CCDC13: variants seen among roughly 807,000 people sequenced by gnomAD.
CCDC13 encodes coiled-coil domain containing 13.
Under a neutral mutation model 87.3 loss-of-function variants are expected in CCDC13, and 70 were observed. The ratio of observed to expected loss-of-function variants is 0.80; its 90% CI spans 0.66 to 0.98. The LOEUF is 0.98. Ranked by LOEUF, CCDC13 falls within the 50% of genes least tolerant of loss-of-function variation. The pLI, the probability that CCDC13 is intolerant of heterozygous loss-of-function variation, is 0.00. For missense variants in CCDC13, 842 were observed against 892.0 expected (o/e 0.94, Z 0.71); for synonymous variants, 317 against 360.3 (o/e 0.88, Z 1.36).
intron 13 of CCDC13, among the ~76,000 whole-genome samples, chr3:42,723,415 A>G (rs937975780): frequency 3.9e-5 from 6 of 152,218 alleles, no homozygotes; most frequent in African/African-American, 9.6e-5. Context: ...CCCCTTGGCC[A>G]TGTAAGTTAA....
At chr3:42,714,614 C>T (rs1489682773) in intron 13 of CCDC13, among the ~76,000 whole-genome samples, 1 of 152,194 alleles carries the variant, frequency 6.6e-6, no homozygotes, top group Non-Finnish European at 1.5e-5. Flanking sequence ...AGCCAGAACT[C>T]CCTGAGATCT....
chr3:42,740,592 G>A (rs1190121614), intron 8 of CCDC13, among the ~76,000 whole-genome samples: 5 of 152,202 alleles, frequency 3.3e-5, no homozygotes, highest in Admixed American at 3.3e-4. Context: ...TTTGAAAGTA[G>A]GAAACAGGAA....
chr3:42,739,825 T>G lies in CCDC13; in HGVS notation c.988-15A>C, dbSNP rs1254656189. 8.7e-6 allele frequency: 14 copies of G among 1,611,374 alleles called. No individual in the cohort carries two copies. The highest frequency in any genetic ancestry group is 1.0e-5 in the Non-Finnish European group (12 of 1,178,294). On this transcript the variant is annotated splice_polypyrimidine_tract_variant and intron_variant, in intron 8 of 15. Coordinates refer to ENST00000310232, the MANE Select transcript of CCDC13 (RefSeq NM_144719.4). Reference sequence around the variant, plus strand: ...CTGGCAAGTTTCTGTAATTAGAAAGTGAGGGCATGGGCAGCAGGGCTGTGT... The same window carrying G: ...CTGGCAAGTTTCTGTAATTAGAAAGGGAGGGCATGGGCAGCAGGGCTGTGT...
intron 1 of CCDC13, among the ~76,000 whole-genome samples, chr3:42,762,151 C>T (rs1276454405): frequency 2.0e-5 from 3 of 152,322 alleles, no homozygotes; most frequent in Non-Finnish European, 4.4e-5. Flanking sequence ...AACTGCTGCC[C>T]AGCTGGTTTT....
chr3:42,772,827 G>C (rs773597795), intron 1 of CCDC13, among the ~76,000 whole-genome samples: 2 of 152,208 alleles, frequency 1.3e-5, no homozygotes, highest in Admixed American at 6.5e-5. Context: ...CGGTGCGAGA[G>C]GGCCCAGTGG....
chr3:42,765,556 C>T (rs3843369), intron 1 of CCDC13, among the ~76,000 whole-genome samples: 39,459 of 152,114 alleles, frequency 0.26, 6,120 homozygotes, highest in East Asian at 0.69. Context: ...CAGGCATGCA[C>T]CACTACGCCC....
chr3:42,748,496 T>C (rs1699481862), intron 5 of CCDC13, among the ~76,000 whole-genome samples: 1 of 152,230 alleles, frequency 6.6e-6, no homozygotes, highest in Admixed American at 6.5e-5. Context: ...GCAGGGCTGG[T>C]ACTACAGTGG....
At chr3:42,743,612 T>C (rs556567114) in intron 7 of CCDC13, among the ~76,000 whole-genome samples, 16 of 125,200 alleles carry the variant, frequency 1.3e-4, no homozygotes, top group South Asian at 5.5e-4. Flanking sequence ...CACACACACA[T>C]ATATATATAC....
In CCDC13 at chr3:42,707,437, A is replaced by T. The variant is rs1698203203; in HGVS notation, c.*1543T>A. 6.6e-6 allele frequency among the ~76,000 whole-genome samples: 1 copy of T among 152,102 alleles called. No homozygotes were observed. Among genetic ancestry groups the T allele is most frequent in the South Asian group, 2.1e-4 (1 of 4,826 alleles). On this transcript the variant is annotated 3_prime_UTR_variant, in exon 16 of 16. Coordinates refer to ENST00000310232, the MANE Select transcript of CCDC13 (RefSeq NM_144719.4). The stretch of plus-strand genomic sequence containing the variant: ...TCTCTAGATCCGTGTGACCCCATGC[A>T]GGGTCAGGGGCTCCCTGAGGAGTGG...
intron 1 of CCDC13, among the ~76,000 whole-genome samples, chr3:42,768,569 C>T (rs1177234765): frequency 6.6e-6 from 1 of 151,970 alleles, no homozygotes; most frequent in Admixed American, 6.6e-5. Context: ...TGTTGGTGTG[C>T]ACCTGCAGTC....
At chr3:42,735,973 C>T (rs1699001979) in intron 9 of CCDC13, 60 bp from the exon 10 acceptor site, 2 of 1,497,532 alleles carry the variant, frequency 1.3e-6, no homozygotes, top group African/African-American at 1.4e-5. Context: ...CCGGGGAGGA[C>T]AAGAACAGAC....
chr3:42,764,089 A>G (rs339668), intron 1 of CCDC13, among the ~76,000 whole-genome samples: 75,054 of 152,118 alleles, frequency 0.49, 19,123 homozygotes, highest in East Asian at 0.81. Flanking sequence ...AGAAAGGAAT[A>G]TCTGGGTTAG....
At position 42,707,853 on chromosome 3, in the gene CCDC13, C is replaced by T. The variant is rs914887564; in HGVS notation, c.*1127G>A. On this transcript the variant is annotated 3_prime_UTR_variant, in exon 16 of 16. Transcript: ENST00000310232. ...GGGTGCACCTGTGTGGCCAGGGTGT[C>T]GGAGTTGGGGTGTGTGGCTATGAGT... Among the ~76,000 whole-genome samples, 3 of 152,120 alleles carry T rather than the reference C, an allele frequency of 2.0e-5. No individual in the cohort carries two copies. The highest frequency in any genetic ancestry group is 4.4e-5 in the Non-Finnish European group (3 of 68,034).
chr3:42,754,634 C>A (rs527985631), intron 3 of CCDC13, among the ~76,000 whole-genome samples: 1 of 152,120 alleles, frequency 6.6e-6, no homozygotes, highest in East Asian at 1.9e-4. Context: ...CTGAGGGTTC[C>A]GGACATAAAT....
rs1699753239 is a variant in CCDC13, at chr3:42,758,258, T to C, written c.88A>G (p.Met30Val). ...AGTTCTTTTTCCCTCTTTTTCTCCA[T>C]CTGCTTCTGTAACCGTTTGTGCTGC... ...EMQHKRLQKQ[M>V]EKKREKELSL... Residue 30 changes from methionine to valine, a missense_variant, in exon 2 of 16, where the codon ATG becomes GTG. By Grantham distance (21) the Met-to-Val change is conservative. Transcript: ENST00000310232. The C allele has an allele frequency of 1.2e-6, 2 of 1,613,738 alleles. No individual in the cohort carries two copies. Among genetic ancestry groups the C allele is most frequent in the Non-Finnish European group, 8.5e-7 (1 of 1,180,046 alleles).
chr3:42,741,193 G>A (rs1213773239), intron 8 of CCDC13: 2 of 151,920 alleles, frequency 1.3e-5, no homozygotes, highest in Admixed American at 1.3e-4. Context: ...ATACTCCCTA[G>A]AAGTCCTTTA....
At chr3:42,738,096 A>T (rs1699087032) in intron 9 of CCDC13, among the ~76,000 whole-genome samples, 1 of 152,230 alleles carries the variant, frequency 6.6e-6, no homozygotes, top group South Asian at 2.1e-4. Flanking sequence ...TATAAGGTGT[A>T]AGGAAGGGAT....
intron 5 of CCDC13, among the ~76,000 whole-genome samples, chr3:42,748,931 T>C (rs137886747): frequency 0.018 from 2,775 of 152,140 alleles, 73 homozygotes; most frequent in African/African-American, 0.063. Context: ...AATTTTTGTA[T>C]ATTTTTTAGT....
intron 5 of CCDC13, 42 bp downstream of exon 5, chr3:42,751,894 T>C: frequency 1.3e-6 from 2 of 1,572,826 alleles, no homozygotes; most frequent in South Asian, 1.1e-5. Flanking sequence ...CCCAGGCCCA[T>C]GGCTGCCTCA....
Sources: gnomAD v4.1 joint callset for allele counts (sites outside exome capture counted in the v4.1 genomes callset) on GRCh38, gnomAD v4.1.1 for gene constraint, MANE v1.5 for transcripts, NCBI Gene and HGNC (gene_info 2026-07-23, HGNC 2026-07-21) for gene names.